The following SAMD12 variants were observed in gnomAD, a reference collection of about 807,000 sequenced individuals.
The protein encoded by SAMD12 is sterile alpha motif domain containing 12.
SAMD12 carries 9 observed loss-of-function variants against 15.0 expected under a neutral mutation model. The observed-to-expected ratio is 0.60, with a 90% CI of 0.36 to 1.05. SAMD12 has a LOEUF of 1.05. Among genes scored for constraint, SAMD12 ranks in the 50% least tolerant of loss-of-function variants. SAMD12 has a pLI of 0.01. For synonymous variants in SAMD12, 86 were observed against 90.1 expected, an observed-to-expected ratio of 0.96 and a Z score of 0.25; for missense variants, 230 against 234.2, an observed-to-expected ratio of 0.98 and a Z score of 0.12.
At chr8:118,527,334 C>G (rs1825561218) in intron 2 of SAMD12, among the ~76,000 whole-genome samples, 1 of 152,180 alleles carries the variant, frequency 6.6e-6, no homozygotes. Flanking sequence ...AGTGTAGACA[C>G]CAACTGTGAA....
At chr8:118,375,417 C>G (rs1225365994), downstream of SAMD12, among the ~76,000 whole-genome samples, 2 of 151,986 alleles carry the variant, frequency 1.3e-5, no homozygotes, top group Non-Finnish European at 2.9e-5. Flanking sequence ...GAATTTTAAG[C>G]CTTAAGTGGG....
At chr8:118,519,490 G>A (rs1825331657) in intron 2 of SAMD12, among the ~76,000 whole-genome samples, 1 of 151,952 alleles carries the variant, frequency 6.6e-6, no homozygotes, top group Non-Finnish European at 1.5e-5. Context: ...AGTCTTCTAG[G>A]GCTATTTTTC....
chr8:118,267,097 A>G (rs1813222297), intron 4 of SAMD12, among the ~76,000 whole-genome samples: 1 of 152,136 alleles, frequency 6.6e-6, no homozygotes, highest in Non-Finnish European at 1.5e-5. Context: ...TAACATATAC[A>G]TTTTGTACTT....
chr8:118,302,358 G>A (rs1013953523), intron 4 of SAMD12, among the ~76,000 whole-genome samples: 2 of 152,140 alleles, frequency 1.3e-5, no homozygotes, highest in African/African-American at 2.4e-5. Flanking sequence ...AGTATGTACT[G>A]TGTGACATTA....
At chr8:118,243,108 T>C (rs1398241871) in intron 4 of SAMD12, among the ~76,000 whole-genome samples, 1 of 152,182 alleles carries the variant, frequency 6.6e-6, no homozygotes. Flanking sequence ...GATGGAATGC[T>C]AGGCATCAAA....
At chr8:118,266,946 C>CATCCTTGT (rs1408232166) in intron 4 of SAMD12, among the ~76,000 whole-genome samples, 1 of 152,084 alleles carries the variant, frequency 6.6e-6, no homozygotes, top group Non-Finnish European at 1.5e-5. Flanking sequence ...AATAACAATA[C>CATCCTTGT]ATTGCATCCT....
At chr8:118,221,946 A>G (rs1182007508) in intron 4 of SAMD12, among the ~76,000 whole-genome samples, 1 of 152,250 alleles carries the variant, frequency 6.6e-6, no homozygotes, top group Non-Finnish European at 1.5e-5. Flanking sequence ...TTCCTGGAAC[A>G]GAGAAGAACT....
chr8:118,413,280 T>C (rs1821508740), intron 3 of SAMD12, among the ~76,000 whole-genome samples: 1 of 152,192 alleles, frequency 6.6e-6, no homozygotes. Context: ...ACCATTTCAG[T>C]AGCAATAGAC....
the SAMD12 span, among the ~76,000 whole-genome samples, chr8:118,178,657 G>A: frequency 3.3e-5 from 5 of 152,022 alleles, no homozygotes; most frequent in Non-Finnish European, 7.4e-5. Context: ...GTAGAGATGG[G>A]ATTTCACCAT....
chr8:118,318,275 AAT>A (rs1004141447), intron 4 of SAMD12, among the ~76,000 whole-genome samples: 2 of 146,542 alleles, frequency 1.4e-5, no homozygotes, highest in Non-Finnish European at 3.0e-5. Context: ...CACAATTGCC[AAT>A]GAGTAGATTA....
At chr8:118,407,064 C>G (rs1821168194) in intron 3 of SAMD12, among the ~76,000 whole-genome samples, 1 of 152,014 alleles carries the variant, frequency 6.6e-6, no homozygotes, top group Admixed American at 6.5e-5. Context: ...CAAAAAACCA[C>G]TTGTTCCCCC....
the SAMD12 span, among the ~76,000 whole-genome samples, chr8:118,177,898 AC>A: frequency 6.6e-6 from 1 of 152,182 alleles, no homozygotes; most frequent in Non-Finnish European, 1.5e-5. Flanking sequence ...CAGGTGGCTG[AC>A]ACACATGCAG....
rs938564253 is a variant in SAMD12, at chr8:118,320,020, G to C, written c.433+59540C>G. ...ACTGGATCATTACTTTTAAAAGAGA[G>C]ATTAGTGGAGGAGCCTGTAAAGAAA... On this transcript the variant is annotated intron_variant, in intron 4 of 4. Transcript: ENST00000409003. 2.0e-4 allele frequency among the ~76,000 whole-genome samples: 30 copies of C among 152,158 alleles called. 1 individual carries two copies. Among genetic ancestry groups the C allele is most frequent in the Non-Finnish European group, 2.9e-5 (2 of 68,032 alleles).
At chr8:118,327,045 C>T (rs1201462295) in intron 4 of SAMD12, among the ~76,000 whole-genome samples, 1 of 152,170 alleles carries the variant, frequency 6.6e-6, no homozygotes, top group Non-Finnish European at 1.5e-5. Context: ...CCCACAGATG[C>T]ACTACTACGT....
chr8:118,384,063 G>A (rs905608871), intron 3 of SAMD12, among the ~76,000 whole-genome samples: 5 of 152,132 alleles, frequency 3.3e-5, no homozygotes, highest in Non-Finnish European at 5.9e-5. Flanking sequence ...AGTTGGGGTG[G>A]TTAGGATAGG....
intron 4 of SAMD12, among the ~76,000 whole-genome samples, chr8:118,232,941 C>A (rs894983706): frequency 6.6e-6 from 1 of 152,046 alleles, no homozygotes; most frequent in Non-Finnish European, 1.5e-5. Flanking sequence ...TGAAACTCTG[C>A]CAGAAAGAAT....
At chr8:118,132,989 T>C in the SAMD12 span, among the ~76,000 whole-genome samples, 2 of 70,430 alleles carry the variant, frequency 2.8e-5, no homozygotes, top group South Asian at 5.3e-4. Flanking sequence ...TATATATATA[T>C]ATATATATAT....
At chr8:118,364,507 G>A (rs1818666317) in intron 4 of SAMD12, among the ~76,000 whole-genome samples, 1 of 152,154 alleles carries the variant, frequency 6.6e-6, no homozygotes, top group African/African-American at 2.4e-5. Flanking sequence ...AAAGGAGTTT[G>A]ACTCAGATAC....
intron 4 of SAMD12, among the ~76,000 whole-genome samples, chr8:118,290,994 G>T (rs1477970149): frequency 6.6e-6 from 1 of 152,184 alleles, no homozygotes; most frequent in Non-Finnish European, 1.5e-5. Flanking sequence ...TGGCTGGCCT[G>T]CTCCTCGCTT....
Sources: allele counts gnomAD v4.1 joint callset (sites outside exome capture counted in the v4.1 genomes callset), GRCh38; gene constraint gnomAD v4.1.1; transcripts MANE v1.5; gene names NCBI Gene and HGNC (gene_info 2026-07-23, HGNC 2026-07-21).